Variants in FAM204A observed in about 807,000 individuals in gnomAD.
The protein encoded by FAM204A is family with sequence similarity 204 member A.
In FAM204A, 16 loss-of-function variants were observed where a neutral mutation model predicts 35.4. The ratio of observed to expected loss-of-function variants is 0.45; its 90% CI spans 0.31 to 0.69. FAM204A has a LOEUF of 0.69. Among genes scored for constraint, FAM204A ranks in the 30% least tolerant of loss-of-function variants. FAM204A has a pLI of 0.07. For missense variants in FAM204A, 240 were observed against 265.7 expected, an observed-to-expected ratio of 0.90 and a Z score of 0.67; for synonymous variants, 76 against 86.9, an observed-to-expected ratio of 0.88 and a Z score of 0.70.
intron 2 of FAM204A, among the ~76,000 whole-genome samples, chr10:118,338,966 T>C (rs998899192): frequency 2.6e-5 from 4 of 152,200 alleles, no homozygotes; most frequent in Non-Finnish European, 5.9e-5. Context: ...TCATGTGGCA[T>C]TAAAAACTGT....
chr10:118,314,019 T>A (rs1845992790), intron 7 of FAM204A, among the ~76,000 whole-genome samples: 1 of 152,164 alleles, frequency 6.6e-6, no homozygotes, highest in African/African-American at 2.4e-5. Flanking sequence ...CTTTTAGTGC[T>A]CCAGCAATGC....
chr10:118,320,883 T>TTG (rs150492778), intron 7 of FAM204A, among the ~76,000 whole-genome samples: 35,958 of 148,622 alleles, frequency 0.24, 4,585 homozygotes, highest in Non-Finnish European at 0.29. Flanking sequence ...GAATACCGTT[T>TTG]TGTGTGTGTG....
rs1432290750 is a variant in FAM204A at position 118,308,862 on chromosome 10, T to A, written c.*1995A>T. 1 of 147,728 alleles carries A rather than the reference T, an allele frequency of 6.8e-6. No individual in the cohort carries two copies. Among genetic ancestry groups the A allele is most frequent in the African/African-American group, 2.5e-5 (1 of 39,638 alleles). 9.2% of individuals were successfully genotyped at this position (147,728 alleles called of 1,614,324 possible). A position where few individuals can be genotyped will look rare whatever the true frequency, so the allele number is the denominator to read the frequency against. ...CAACATGCCTGCAGGGGTCACTAAA[T>A]GCTCTAAGGAGTAGAAACAGAAAAA... On this transcript the variant is annotated 3_prime_UTR_variant, in exon 9 of 9. Coordinates refer to ENST00000369183, the MANE Select transcript of FAM204A (RefSeq NM_022063.3).
intron 6 of FAM204A, among the ~76,000 whole-genome samples, chr10:118,332,174 A>AAAAAAAAAAAAAAC (rs1491179408): frequency 3.0e-5 from 1 of 33,446 alleles, no homozygotes; most frequent in Non-Finnish European, 7.5e-5. Context: ...TCTGTTTCAG[A>AAAAAAAAAAAAAAC]AAAAAAAAAA....
chr10:118,299,338 G>C lies in FAM204A; in HGVS notation c.*11519C>G, dbSNP rs1396449287. The C allele has an allele frequency of 6.8e-6, 1 of 147,730 alleles. No homozygotes were observed. Among genetic ancestry groups the C allele is most frequent in the Non-Finnish European group, 1.5e-5 (1 of 67,516 alleles). The allele number at this position is 147,730 out of a possible 1,614,324, so 9.2% of individuals were successfully genotyped here. ...TGTATTTTTTTTTGAGGTCAAGCTA[G>C]GTACTTGACATGATTTGGTTTTGGA... On this transcript the variant is annotated 3_prime_UTR_variant, in exon 9 of 9. Transcript: ENST00000369183.
intron 6 of FAM204A, among the ~76,000 whole-genome samples, chr10:118,332,501 C>T (rs950966089): frequency 7.2e-5 from 7 of 96,744 alleles, no homozygotes; most frequent in African/African-American, 2.4e-4. Context: ...CTCCTCCCTC[C>T]ACATCCCTAT....
intron 6 of FAM204A, among the ~76,000 whole-genome samples, chr10:118,328,168 A>C (rs1331862942): frequency 6.6e-6 from 1 of 152,142 alleles, no homozygotes; most frequent in African/African-American, 2.4e-5. Flanking sequence ...CAACTTCATA[A>C]TCTAGAATTC....
At chr10:118,337,753 T>C (rs546879466) in intron 2 of FAM204A, among the ~76,000 whole-genome samples, 7 of 152,310 alleles carry the variant, frequency 4.6e-5, no homozygotes, top group African/African-American at 9.6e-5. Context: ...ATACTGCTTA[T>C]AGGGCTATTC....
intron 6 of FAM204A, 89 bp downstream of exon 6, chr10:118,335,025 A>C: frequency 1.1e-6 from 1 of 906,850 alleles, no homozygotes; most frequent in Admixed American, 2.2e-5. Context: ...TTTTTAACTG[A>C]ATGAATTAAT....
chr10:118,311,402 G>A, intron 7 of FAM204A, 89 bp from the exon 8 acceptor site: 3 of 1,009,134 alleles, frequency 3.0e-6, no homozygotes, highest in Non-Finnish European at 4.4e-6. Context: ...GAGAACTTGT[G>A]GGTAAGAAAG....
Position 118,298,978 on chromosome 10 carries a change from C to CA in FAM204A, c.*11878dup, listed in dbSNP as rs1845778711. 1 of 152,182 alleles carries CA rather than the reference C, an allele frequency of 6.6e-6. No homozygotes were observed. Among genetic ancestry groups the CA allele is most frequent in the South Asian group, 2.1e-4 (1 of 4,828 alleles). The allele number at this position is 152,182 out of a possible 1,614,324, so 9.4% of individuals were successfully genotyped here. ...TAATGGTTGCCTAGCAACCACTAGA[C>CA]ATTGTTTTGCTGCTTCACTCTAGAG... On this transcript the variant is annotated 3_prime_UTR_variant, in exon 9 of 9. Transcript: ENST00000369183.
intron 7 of FAM204A, among the ~76,000 whole-genome samples, chr10:118,311,889 C>T (rs1029486109): frequency 6.6e-6 from 1 of 152,166 alleles, no homozygotes. Context: ...AAAGGCTGAG[C>T]ACCAGGACCA....
rs758531232 is a variant in FAM204A, at chr10:118,302,483, A to G, written c.*8374T>C. On this transcript the variant is annotated 3_prime_UTR_variant, in exon 9 of 9. Coordinates refer to ENST00000369183, the MANE Select transcript of FAM204A (RefSeq NM_022063.3). ...AGAATTGTTGGAGCCACTTCTGGTA[A>G]TATATGAATTTCATAAAAATGTTTT... is the stretch of plus-strand genomic sequence containing the variant. The G allele has an allele frequency of 6.6e-6, 1 of 152,230 alleles. No individual in the cohort carries two copies. Among genetic ancestry groups the G allele is most frequent in the African/African-American group, 2.4e-5 (1 of 41,458 alleles). 9.4% of individuals were successfully genotyped at this position (152,230 alleles called of 1,614,324 possible).
At position 118,301,544 on chromosome 10, in the gene FAM204A, T is replaced by A. The variant is rs1845808325; in HGVS notation, c.*9313A>T. 6.6e-6 allele frequency: 1 copy of A among 152,186 alleles called. No homozygotes were observed. Among genetic ancestry groups the A allele is most frequent in the Non-Finnish European group, 1.5e-5 (1 of 68,030 alleles). The allele number at this position is 152,186 out of a possible 1,614,324, so 9.4% of individuals were successfully genotyped here. A position where few individuals can be genotyped will look rare whatever the true frequency, so the allele number is the denominator to read the frequency against. Reference sequence around the variant, plus strand: ...TGTTCTTTGCTCTAGAGTGAGACACTATCTCAATCTTCCAAGGATGTTATA... The same window carrying A: ...TGTTCTTTGCTCTAGAGTGAGACACAATCTCAATCTTCCAAGGATGTTATA... On this transcript the variant is annotated 3_prime_UTR_variant, in exon 9 of 9. Transcript: ENST00000369183.
intron 7 of FAM204A, among the ~76,000 whole-genome samples, chr10:118,319,017 T>C (rs1310816120): frequency 6.6e-6 from 1 of 151,278 alleles, no homozygotes; most frequent in East Asian, 1.9e-4. Context: ...ATAACTGAAA[T>C]GAAAAGGAAG....
intron 7 of FAM204A, 99 bp from the exon 8 acceptor site, chr10:118,311,412 G>T: frequency 1.1e-6 from 1 of 916,802 alleles, no homozygotes; most frequent in Non-Finnish European, 1.7e-6. Context: ...GGGTAAGAAA[G>T]CCATGTCTAG....
chr10:118,335,260 T>C (rs1385228576), intron 5 of FAM204A, 47 bp from the exon 6 acceptor site: 2 of 1,572,016 alleles, frequency 1.3e-6, no homozygotes, highest in Non-Finnish European at 1.7e-6. Context: ...ATACTGTCTT[T>C]ACTTTTACTG....
chr10:118,339,112 T>C lies in FAM204A; in HGVS notation c.-9+2615A>G, dbSNP rs1490564661. Among the ~76,000 whole-genome samples, 5 of 152,290 alleles carry C rather than the reference T, an allele frequency of 3.3e-5. No individual in the cohort carries two copies. The South Asian group carries it at 1.0e-3, about 32-fold the overall frequency. On this transcript the variant is annotated intron_variant, in intron 2 of 8. Coordinates refer to ENST00000369183, the MANE Select transcript of FAM204A (RefSeq NM_022063.3). ...AAATCAGGTAGGTTTTGAATTCCAC[T>C]CTTTAGAACCTTTAGTCATGTGCCA...
chr10:118,315,527 A>T (rs1846016905), intron 7 of FAM204A, among the ~76,000 whole-genome samples: 1 of 152,168 alleles, frequency 6.6e-6, no homozygotes, highest in Non-Finnish European at 1.5e-5. Flanking sequence ...TCTATGAAAA[A>T]TATTTATGCC....
Sources: gnomAD v4.1 joint callset for allele counts (sites outside exome capture counted in the v4.1 genomes callset) on GRCh38, gnomAD v4.1.1 for gene constraint, MANE v1.5 for transcripts, NCBI Gene and HGNC (gene_info 2026-07-23, HGNC 2026-07-21) for gene names.